Variants in CMPK1 observed in about 807,000 individuals in gnomAD.
The protein encoded by CMPK1 is UMP-CMP kinase.
A neutral mutation model predicts 25.7 loss-of-function variants in CMPK1; 10 were observed. That is an observed-to-expected ratio of 0.39 (90% CI 0.24 to 0.66). The LOEUF (loss-of-function observed/expected upper bound fraction) is 0.66. Ranked by LOEUF, CMPK1 falls within the 30% of genes least tolerant of loss-of-function variation. CMPK1 has a pLI of 0.48. For synonymous variants in CMPK1, 106 were observed against 101.5 expected, an observed-to-expected ratio of 1.04 and a Z score of -0.27; for missense variants, 199 against 280.5, an observed-to-expected ratio of 0.71 and a Z score of 2.08.
rs377545427 is a variant in CMPK1, at chr1:47,368,637, C to G, written c.318+22C>G. ...GAGGGTAAGGAGTGTGAATGCCAAC[C>G]AGTTCAAACCAGCGAGGAAAGAAGA... On this transcript the variant is annotated intron_variant, in intron 2 of 5. Transcript: ENST00000371873. The G allele has an allele frequency of 2.7e-6, 4 of 1,507,656 alleles. No individual in the cohort carries two copies. The African/African-American group carries it at 5.6e-5, about 21-fold the overall frequency. 93.4% of individuals were successfully genotyped at this position (1,507,656 alleles called of 1,614,324 possible).
intron 1 of CMPK1, among the ~76,000 whole-genome samples, chr1:47,347,097 A>G (rs1646490585): frequency 6.7e-6 from 1 of 149,446 alleles, no homozygotes; most frequent in Non-Finnish European, 1.5e-5. Flanking sequence ...TTATTTTTTT[A>G]TTTTCTTTCT....
At chr1:47,344,250 A>G (rs1646466140) in intron 1 of CMPK1, among the ~76,000 whole-genome samples, 1 of 152,138 alleles carries the variant, frequency 6.6e-6, no homozygotes, top group Non-Finnish European at 1.5e-5. Flanking sequence ...TGAGTCAGGG[A>G]GGGCTTCCCA....
intron 5 of CMPK1, among the ~76,000 whole-genome samples, chr1:47,375,538 G>T (rs887388761): frequency 6.6e-6 from 1 of 152,002 alleles, no homozygotes. Flanking sequence ...GAAAAATTAG[G>T]GTTTTTTTCC....
intron 1 of CMPK1, among the ~76,000 whole-genome samples, chr1:47,342,909 A>G (rs1646452024): frequency 6.6e-6 from 1 of 151,346 alleles, no homozygotes; most frequent in Non-Finnish European, 1.5e-5. Context: ...CAGCCTCCCA[A>G]AGTGCTAGGA....
chr1:47,347,079 G>A (rs1344535542), intron 1 of CMPK1, among the ~76,000 whole-genome samples: 4 of 152,036 alleles, frequency 2.6e-5, no homozygotes, highest in Admixed American at 6.6e-5. Context: ...CATTGTGCCC[G>A]GCCTATTTTA....
At chr1:47,342,172 C>G (rs1468205496) in intron 1 of CMPK1, among the ~76,000 whole-genome samples, 2 of 152,014 alleles carry the variant, frequency 1.3e-5, no homozygotes, top group Non-Finnish European at 2.9e-5. Flanking sequence ...ACCTCCGCCT[C>G]CTGGGTTCAG....
chr1:47,369,926 TGGC>T, intron 2 of CMPK1, among the ~76,000 whole-genome samples: 1 of 111,764 alleles, frequency 8.9e-6, no homozygotes, highest in Non-Finnish European at 2.0e-5. Context: ...TTTTTTTTTT[TGGC>T]GGGGAGACGG....
intron 1 of CMPK1, among the ~76,000 whole-genome samples, chr1:47,354,192 A>G (rs1025752254): frequency 2.0e-5 from 3 of 152,046 alleles, no homozygotes; most frequent in Non-Finnish European, 4.4e-5. Context: ...TTAGCCAGGC[A>G]TGATGGCATG....
intron 1 of CMPK1, among the ~76,000 whole-genome samples, chr1:47,353,448 A>T (rs1447687984): frequency 6.6e-6 from 1 of 152,134 alleles, no homozygotes; most frequent in Non-Finnish European, 1.5e-5. Flanking sequence ...TTCCAGAAAA[A>T]TTTTTATCTA....
intron 1 of CMPK1, among the ~76,000 whole-genome samples, chr1:47,364,437 C>T (rs937189572): frequency 7.3e-5 from 11 of 151,630 alleles, no homozygotes; most frequent in African/African-American, 2.2e-4. Flanking sequence ...CCTGCCTCAG[C>T]CTCCCAAGTA....
intron 1 of CMPK1, chr1:47,358,275 G>A: frequency 2.0e-6 from 1 of 500,548 alleles, no homozygotes; most frequent in Non-Finnish European, 3.7e-6. Flanking sequence ...ACCATGACAG[G>A]CTAATTTTTC....
At chr1:47,351,318 A>G (rs2149328393) in intron 1 of CMPK1, among the ~76,000 whole-genome samples, 1 of 152,226 alleles carries the variant, frequency 6.6e-6, no homozygotes, top group South Asian at 2.1e-4. Context: ...TGACCTTGTG[A>G]TCCACCTGCC....
At chr1:47,343,882 G>A (rs1045070354) in intron 1 of CMPK1, among the ~76,000 whole-genome samples, 12 of 149,632 alleles carry the variant, frequency 8.0e-5, no homozygotes, top group African/African-American at 2.7e-4. Context: ...GAGAGACTCC[G>A]TCTCAAAAAA....
Position 47,333,898 on chromosome 1 carries a change from C to T in CMPK1, c.-48C>T, listed in dbSNP as rs756752372. ...GCCGCCTCCCCGCCCCGCCCCGCGC[C>T]GCGCCGGCCGCTGTCAGCTCCCTCA... On this transcript the variant is annotated 5_prime_UTR_variant, in exon 1 of 6. Transcript: ENST00000371873. The T allele has an allele frequency of 2.3e-4, 283 of 1,205,766 alleles. 1 individual carries two copies. The highest frequency in any genetic ancestry group is 1.3e-3 in the Middle Eastern group (4 of 3,046). 74.7% of individuals were successfully genotyped at this position (1,205,766 alleles called of 1,614,324 possible).
chr1:47,340,035 TCCCTC>T (rs147355430), intron 1 of CMPK1, among the ~76,000 whole-genome samples: 52 of 111,368 alleles, frequency 4.7e-4, no homozygotes, highest in South Asian at 1.4e-3. Context: ...CCCCTTCCCT[TCCCTC>T]CCCTCCCCTC....
chr1:47,341,980 C>G (rs1646444568), intron 1 of CMPK1, among the ~76,000 whole-genome samples: 1 of 152,004 alleles, frequency 6.6e-6, no homozygotes, highest in African/African-American at 2.4e-5. Flanking sequence ...TATAGTGGCT[C>G]TATCACTGCT....
intron 1 of CMPK1, among the ~76,000 whole-genome samples, chr1:47,343,647 C>T (rs935577276): frequency 7.2e-5 from 11 of 152,152 alleles, no homozygotes; most frequent in Non-Finnish European, 4.4e-5. Context: ...GTTGCAGTGG[C>T]TCATGCCTGT....
At chr1:47,366,848 C>T (rs1352361124) in intron 1 of CMPK1, among the ~76,000 whole-genome samples, 1 of 152,124 alleles carries the variant, frequency 6.6e-6, no homozygotes, top group African/African-American at 2.4e-5. Context: ...CCTCAGCCTC[C>T]TGAGTAGCTG....
At chr1:47,369,116 A>ACCT (rs1212511970) in intron 2 of CMPK1, among the ~76,000 whole-genome samples, 1 of 151,934 alleles carries the variant, frequency 6.6e-6, no homozygotes, top group Non-Finnish European at 1.5e-5. Flanking sequence ...CCATCTTCCC[A>ACCT]CCTCAGCCTC....
Sources: gnomAD v4.1 joint callset for allele counts (sites outside exome capture counted in the v4.1 genomes callset) on GRCh38, gnomAD v4.1.1 for gene constraint, MANE v1.5 for transcripts, NCBI Gene and HGNC (gene_info 2026-07-23, HGNC 2026-07-21) for gene names.